Variants in GOLGA8O observed in about 807,000 individuals in gnomAD.
GOLGA8O encodes the protein golgin subfamily A member 8O.
GOLGA8O carries 4 observed loss-of-function variants against 29.7 expected under a neutral mutation model. The observed-to-expected ratio is 0.13, with a 90% confidence interval of 0.07 to 0.31. GOLGA8O has a LOEUF of 0.31. Ranked by LOEUF, GOLGA8O falls within the 10% of genes least tolerant of loss-of-function variation. The probability of loss-of-function intolerance (pLI) is 1.00; values close to 1 mark genes in which losing one functional copy is unlikely to be tolerated. For missense variants in GOLGA8O, 32 were observed against 216.5 expected, an observed-to-expected ratio of 0.15 and a Z score of 5.35; for synonymous variants, 6 against 78.0, an observed-to-expected ratio of 0.08 and a Z score of 4.87.
At chr15:32,446,212 T>C (rs1339537962) in intron 15 of GOLGA8O, 4 of 46,880 alleles carry the variant, frequency 8.5e-5, no homozygotes, top group African/African-American at 3.0e-4. Flanking sequence ...ACTTGAAAAA[T>C]GCCACCTGAG....
intron 15 of GOLGA8O, among the ~76,000 whole-genome samples, chr15:32,446,273 A>G (rs2055076216): frequency 7.6e-6 from 1 of 131,266 alleles, no homozygotes; most frequent in Non-Finnish European, 1.7e-5. Context: ...AATGGGGCAG[A>G]GAGGTGGAGC....
upstream of GOLGA8O, among the ~76,000 whole-genome samples, chr15:32,456,846 AAGG>A (rs768794127): frequency 0.032 from 358 of 11,160 alleles, 3 homozygotes; most frequent in Middle Eastern, 0.071. Flanking sequence ...AATAAAACTA[AAGG>A]AGGATTCTTT....
upstream of GOLGA8O, among the ~76,000 whole-genome samples, chr15:32,458,942 T>C (rs372377997): frequency 2.0e-4 from 16 of 79,054 alleles, no homozygotes; most frequent in Admixed American, 1.0e-3. Flanking sequence ...CCACCACACC[T>C]CGGCTCCCAG....
chr15:32,458,931 G>A (rs1210597991), upstream of GOLGA8O, among the ~76,000 whole-genome samples: 7 of 87,202 alleles, frequency 8.0e-5, no homozygotes, highest in East Asian at 1.9e-3. Context: ...ATAGGTGTGA[G>A]CCACCACACC....
chr15:32,451,063 C>G lies in GOLGA8O; in HGVS notation c.482-41G>C, dbSNP rs1390223800. ...TGAGATGGGGCCCAAAGGACTCCTC[C>G]TGAAGACCTGTCAAAGTGCCAGGTT... is the stretch of plus-strand genomic sequence containing the variant. On this transcript the variant is annotated intron_variant, in intron 7 of 18. Coordinates refer to ENST00000509311, the MANE Select transcript of GOLGA8O (RefSeq NM_001277308.1). 7.6e-6 allele frequency: 9 copies of G among 1,183,620 alleles called. 2 individuals are homozygous for G. Among genetic ancestry groups the G allele is most frequent in the Non-Finnish European group, 1.0e-5 (9 of 869,688 alleles). 73.3% of individuals were successfully genotyped at this position (1,183,620 alleles called of 1,614,324 possible).
intron 8 of GOLGA8O, among the ~76,000 whole-genome samples, chr15:32,450,709 G>A (rs1477419700): frequency 3.9e-5 from 6 of 152,114 alleles, no homozygotes; most frequent in African/African-American, 1.4e-4. Flanking sequence ...TGCGTCCAGT[G>A]CTCACTCCCC....
chr15:32,446,623 C>T, intron 14 of GOLGA8O, 58 bp from the exon 15 acceptor site: 1 of 1,463,638 alleles, frequency 6.8e-7, no homozygotes, highest in South Asian at 1.2e-5. Context: ...TACTGTGGGC[C>T]CACCTCTACC....
chr15:32,445,896 G>A lies in GOLGA8O; in HGVS notation c.1371C>T (p.Ser457=), dbSNP rs1337449059. The A allele has an allele frequency of 1.9e-5, 13 of 678,998 alleles. 5 individuals carry two copies. The highest frequency in any genetic ancestry group is 2.2e-5 in the Non-Finnish European group (11 of 501,720). 42.1% of individuals were successfully genotyped at this position (678,998 alleles called of 1,614,324 possible). The change falls in exon 16 of 19, where the codon AGC becomes AGT. Residue 457 remains serine, a splice_region_variant and synonymous_variant. Transcript: ENST00000509311. Reference sequence around the variant, plus strand: ...TCTCCTTCAGGTGGTCCATAAAGCTGCTCTGGAGACAAAATATTGCAGTCA... The same window carrying A: ...TCTCCTTCAGGTGGTCCATAAAGCTACTCTGGAGACAAAATATTGCAGTCA... ...PEDPESREAM[S]SFMDHLKEKA...
At chr15:32,451,519 G>C (rs567925785) in intron 5 of GOLGA8O, 82 bp downstream of exon 5, 7 of 1,596,968 alleles carry the variant, frequency 4.4e-6, no homozygotes, top group Non-Finnish European at 4.3e-6. Context: ...AGCTGGGAGT[G>C]GGTGAGACGA....
chr15:32,460,691 G>A, the GOLGA8O span, among the ~76,000 whole-genome samples: 108 of 95,270 alleles, frequency 1.1e-3, 21 homozygotes, highest in East Asian at 2.9e-3. Flanking sequence ...ATACACACGC[G>A]CACACACACA....
At chr15:32,458,530 G>T (rs1470127654), upstream of GOLGA8O, among the ~76,000 whole-genome samples, 2 of 108,500 alleles carry the variant, frequency 1.8e-5, no homozygotes, top group African/African-American at 7.3e-5. Context: ...TAGAGGGATG[G>T]AGGATAACAA....
intron 4 of GOLGA8O, among the ~76,000 whole-genome samples, chr15:32,451,895 T>TG (rs2055138052): frequency 1.1e-4 from 1 of 8,800 alleles, no homozygotes; most frequent in African/African-American, 8.0e-4. Context: ...CCTCTAGAGA[T>TG]GGAGTTTCAG....
Position 32,452,519 on chromosome 15 carries a change from C to G in GOLGA8O, c.281G>C (p.Ser94Thr). The change falls in exon 4 of 19, where the codon AGT becomes ACT. Residue 94 changes from serine to threonine, a missense_variant. Physicochemically the swap from Ser to Thr is moderately conservative, Grantham distance 58 (BLOSUM62 1). Coordinates refer to ENST00000509311, the MANE Select transcript of GOLGA8O (RefSeq NM_001277308.1). ...AGATTTGATGGTGTTCTTCAGTCGA[C>G]TGATTTTTACGGACGTTGAATCCAG... ...VVLDSTSVKI[S>T]RLKNTIKSLK... The G allele has an allele frequency of 1.6e-6, 1 of 614,150 alleles. No homozygotes were observed. The highest frequency in any genetic ancestry group is 1.6e-5 in the South Asian group (1 of 61,776). The allele number at this position is 614,150 out of a possible 1,614,324, so 38.0% of individuals were successfully genotyped here.
At chr15:32,458,629 TTTTATTTA>T (rs57165767), upstream of GOLGA8O, among the ~76,000 whole-genome samples, 111 of 67,286 alleles carry the variant, frequency 1.6e-3, no homozygotes, top group Non-Finnish European at 2.9e-3. Context: ...TTATTTTTAT[TTTTATTTA>T]TTTATTTATT....
At chr15:32,450,553 G>GCACACA (rs1566990852) in intron 8 of GOLGA8O, among the ~76,000 whole-genome samples, 3 of 76,070 alleles carry the variant, frequency 3.9e-5, no homozygotes, top group African/African-American at 1.5e-4. Context: ...ACACACACAT[G>GCACACA]CACGCGTTTC....
intron 8 of GOLGA8O, among the ~76,000 whole-genome samples, chr15:32,450,621 A>G (rs1272803726): frequency 6.6e-6 from 1 of 151,802 alleles, no homozygotes; most frequent in Non-Finnish European, 1.5e-5. Flanking sequence ...TCACAGTACA[A>G]GTACCCAATA....
At chr15:32,458,800 A>C (rs1595695038), upstream of GOLGA8O, among the ~76,000 whole-genome samples, 1 of 103,950 alleles carries the variant, frequency 9.6e-6, no homozygotes, top group South Asian at 3.0e-4. Context: ...GATGGGTGTC[A>C]CCACACCTAG....
chr15:32,458,899 G>A (rs907843540), upstream of GOLGA8O, among the ~76,000 whole-genome samples: 2 of 89,632 alleles, frequency 2.2e-5, no homozygotes, highest in East Asian at 2.5e-4. Context: ...CTCCCACTTC[G>A]GTCTCCCAAA....
chr15:32,447,203 C>T, intron 13 of GOLGA8O, 131 bp from the exon 14 acceptor site: 1 of 5,368 alleles, frequency 1.9e-4, no homozygotes, highest in South Asian at 1.2e-3. Context: ...CTGCTTTGCC[C>T]CAAGCTTCCT....
Sources: allele counts gnomAD v4.1 joint callset (sites outside exome capture counted in the v4.1 genomes callset), GRCh38; gene constraint gnomAD v4.1.1; transcripts MANE v1.5; gene names NCBI Gene and HGNC (gene_info 2026-07-23, HGNC 2026-07-21).